The following GSE1 variants were observed in gnomAD, a reference collection of about 807,000 sequenced individuals.
GSE1 encodes Gse1 coiled-coil protein.
GSE1 carries 32 observed loss-of-function variants against 112.6 expected under a neutral mutation model. The ratio of observed to expected loss-of-function variants is 0.28; its 90% CI spans 0.21 to 0.38. The LOEUF (loss-of-function observed/expected upper bound fraction) is 0.38. GSE1 is among the 10% of genes least tolerant of loss of function. The pLI is 1.00. For missense variants in GSE1, 2,348 were observed against 1,699.2 expected (o/e 1.38, Z -6.71); for synonymous variants, 1,115 against 735.6 (o/e 1.52, Z -8.35).
intron 11 of GSE1, 127 bp downstream of exon 11, chr16:85,663,741 T>A (rs1162654117): frequency 5.5e-6 from 5 of 905,202 alleles, no homozygotes; most frequent in South Asian, 1.6e-5. Context: ...GCCCCTTTAC[T>A]CCTCCCGGCT....
chr16:85,268,905 G>A (rs1255570438), intron 1 of GSE1, among the ~76,000 whole-genome samples: 1 of 149,782 alleles, frequency 6.7e-6, no homozygotes, highest in Non-Finnish European at 1.5e-5. Flanking sequence ...TCTACTTGAG[G>A]GGGGACCAGG....
At chr16:85,626,372 G>A (rs1187414917) in intron 1 of GSE1, among the ~76,000 whole-genome samples, 1 of 152,258 alleles carries the variant, frequency 6.6e-6, no homozygotes, top group Non-Finnish European at 1.5e-5. Context: ...TCTGTAGCAG[G>A]GTGACCCGAC....
At chr16:85,517,451 C>T (rs767269710) in intron 2 of GSE1, among the ~76,000 whole-genome samples, 7 of 152,190 alleles carry the variant, frequency 4.6e-5, no homozygotes, top group Non-Finnish European at 1.0e-4. Flanking sequence ...CATTAGTGCC[C>T]GTATGTGTGA....
chr16:85,657,176 A>C (rs1567739166), intron 7 of GSE1, 101 bp from the exon 8 acceptor site: 1 of 805,838 alleles, frequency 1.2e-6, no homozygotes, highest in South Asian at 1.9e-5. Flanking sequence ...AACCCTTTGG[A>C]AGGGCTCTGG....
chr16:85,617,188 C>G (rs114688420), intron 1 of GSE1, among the ~76,000 whole-genome samples: 2 of 152,304 alleles, frequency 1.3e-5, no homozygotes, highest in African/African-American at 4.8e-5. Context: ...ATGCCTCCCT[C>G]GCATCCATAC....
chr16:85,213,264 T>C (rs974524094), intron 1 of GSE1, among the ~76,000 whole-genome samples: 2 of 148,896 alleles, frequency 1.3e-5, no homozygotes, highest in Non-Finnish European at 3.0e-5. Context: ...CAAGACTCTG[T>C]TTCAAAAAAA....
intron 8 of GSE1, among the ~76,000 whole-genome samples, chr16:85,658,315 G>A (rs976006279): frequency 6.6e-6 from 1 of 152,146 alleles, no homozygotes; most frequent in African/African-American, 2.4e-5. Flanking sequence ...GGAATGACCT[G>A]CCAGCCTTCC....
intron 2 of GSE1, among the ~76,000 whole-genome samples, chr16:85,446,785 G>A (rs1337242508): frequency 4.6e-5 from 7 of 152,118 alleles, no homozygotes; most frequent in South Asian, 2.1e-4. Flanking sequence ...TCCTGGGTGC[G>A]TTGGGCAGGT....
intron 1 of GSE1, among the ~76,000 whole-genome samples, chr16:85,598,903 G>A (rs763081346): frequency 3.3e-5 from 5 of 152,250 alleles, no homozygotes; most frequent in Admixed American, 1.3e-4. Flanking sequence ...AAGCCCACAG[G>A]CGGTGATTGG....
chr16:85,517,404 A>G (rs1325093646), intron 2 of GSE1, among the ~76,000 whole-genome samples: 1 of 152,228 alleles, frequency 6.6e-6, no homozygotes, highest in Non-Finnish European at 1.5e-5. Flanking sequence ...AGTTCTGCAC[A>G]TAAAAAGCTT....
intron 1 of GSE1, among the ~76,000 whole-genome samples, chr16:85,198,252 C>T (rs190920098): frequency 2.6e-5 from 4 of 152,200 alleles, no homozygotes; most frequent in African/African-American, 7.2e-5. Context: ...TCAGAAAGAC[C>T]GAAGTCATGT....
chr16:85,381,267 T>C (rs956716192), intron 2 of GSE1, among the ~76,000 whole-genome samples: 1 of 152,244 alleles, frequency 6.6e-6, no homozygotes, highest in Non-Finnish European at 1.5e-5. Flanking sequence ...TTCATCCACG[T>C]TGCGGCCCGA....
chr16:85,556,264 G>A, exon 1 of GSE1: 1 of 984,062 alleles, frequency 1.0e-6, no homozygotes, highest in Non-Finnish European at 1.2e-6. Flanking sequence ...GTTCATTCCT[G>A]GGTTTTAATA....
chr16:85,464,408 ACT>A (rs1244930682), intron 2 of GSE1, among the ~76,000 whole-genome samples: 2 of 151,538 alleles, frequency 1.3e-5, no homozygotes, highest in African/African-American at 2.4e-5. Flanking sequence ...AACCTGCAAA[ACT>A]CTCTTCTTAT....
chr16:85,293,835 G>A (rs1027292543), intron 1 of GSE1, among the ~76,000 whole-genome samples: 1 of 152,092 alleles, frequency 6.6e-6, no homozygotes, highest in South Asian at 2.1e-4. Context: ...GGCCTTCTAC[G>A]GAGGACACCA....
At chr16:85,555,696 T>C (rs2045172466), upstream of GSE1, 1 of 819,380 alleles carries the variant, frequency 1.2e-6, no homozygotes, top group Non-Finnish European at 1.5e-6. Flanking sequence ...CCTTTTTCCT[T>C]CTGGTTCTGA....
At chr16:85,506,273 G>T (rs763165506) in intron 2 of GSE1, among the ~76,000 whole-genome samples, 2 of 152,170 alleles carry the variant, frequency 1.3e-5, no homozygotes, top group Non-Finnish European at 2.9e-5. Context: ...TGAGGCCCAG[G>T]AACTGAATTT....
chr16:85,198,317 A>C (rs917561218), intron 1 of GSE1, among the ~76,000 whole-genome samples: 1 of 151,764 alleles, frequency 6.6e-6, no homozygotes, highest in Non-Finnish European at 1.5e-5. Flanking sequence ...CGAGGTCAAC[A>C]GGGGATGAGA....
intron 2 of GSE1, among the ~76,000 whole-genome samples, chr16:85,458,491 G>A (rs982346340): frequency 1.3e-5 from 2 of 152,212 alleles, no homozygotes; most frequent in African/African-American, 4.8e-5. Context: ...GAGAGATGGA[G>A]GCCCTGTCCC....
Sources: allele counts gnomAD v4.1 joint callset (sites outside exome capture counted in the v4.1 genomes callset), GRCh38; gene constraint gnomAD v4.1.1; transcripts MANE v1.5; gene names NCBI Gene and HGNC (gene_info 2026-07-23, HGNC 2026-07-21).